Variants in RSRP1 observed in about 807,000 individuals in gnomAD.
RSRP1 encodes the protein arginine and serine rich protein 1.
In RSRP1, 37 loss-of-function variants were observed where a neutral mutation model predicts 33.0. The observed-to-expected ratio is 1.12, with a 90% confidence interval of 0.86 to 1.48. The LOEUF (loss-of-function observed/expected upper bound fraction) is 1.48, where lower values mean the gene tolerates loss of function less well. RSRP1 is among the 40% of genes most tolerant of loss of function. The pLI is 0.00. For missense variants in RSRP1, 402 were observed against 385.3 expected (o/e 1.04, Z -0.36); for synonymous variants, 167 against 158.7 (o/e 1.05, Z -0.40).
At chr1:25,329,191 G>C in intron 1 of RSRP1, 1 of 666,506 alleles carries the variant, frequency 1.5e-6, no homozygotes. Context: ...CTGCATATAT[G>C]ATGGTGGTCA....
intron 1 of RSRP1, among the ~76,000 whole-genome samples, chr1:25,256,249 G>A (rs1639945746): frequency 1.3e-5 from 2 of 151,670 alleles, no homozygotes; most frequent in South Asian, 2.1e-4. Flanking sequence ...CAACTTCCTG[G>A]GCTCAAACGA....
chr1:25,251,376 T>C (rs950696690), upstream of RSRP1, among the ~76,000 whole-genome samples: 1 of 152,114 alleles, frequency 6.6e-6, no homozygotes. Flanking sequence ...TTTCCTTTTT[T>C]TTTTCTTTTT....
At chr1:25,274,927 G>A (rs148860017) in intron 1 of RSRP1, among the ~76,000 whole-genome samples, 1,704 of 131,414 alleles carry the variant, frequency 0.013, 266 homozygotes, top group African/African-American at 0.04. Flanking sequence ...CAGCCTGGGC[G>A]CCAGAGTGAG....
chr1:25,249,228 C>T, upstream of RSRP1, among the ~76,000 whole-genome samples: 1 of 149,786 alleles, frequency 6.7e-6, no homozygotes, highest in East Asian at 1.9e-4. Context: ...CTAAAGTATA[C>T]TTACGATACA....
chr1:25,313,853 A>G (rs1644290059), intron 1 of RSRP1, among the ~76,000 whole-genome samples: 1 of 132,760 alleles, frequency 7.5e-6, no homozygotes, highest in South Asian at 2.3e-4. Flanking sequence ...AAATGAGATA[A>G]ACAACTTTGG....
chr1:25,335,820 G>T, intron 1 of RSRP1: 1 of 93,734 alleles, frequency 1.1e-5, no homozygotes, highest in African/African-American at 3.4e-5. Flanking sequence ...TTTTGAGACA[G>T]AGTCTCACCT....
At chr1:25,247,171 C>T (rs1228320196) in intron 1 of RSRP1, 138 bp downstream of exon 1, 2 of 519,362 alleles carry the variant, frequency 3.9e-6, no homozygotes, top group Admixed American at 3.7e-5. Context: ...CCCTAGAAAC[C>T]CCGCTCGGCG....
At chr1:25,296,238 CA>C (rs1172079103) in intron 1 of RSRP1, among the ~76,000 whole-genome samples, 1 of 123,868 alleles carries the variant, frequency 8.1e-6, no homozygotes, top group African/African-American at 2.8e-5. Flanking sequence ...CTTCAGTGTA[CA>C]TTTCTTTTTT....
At chr1:25,322,919 G>C (rs1319233697) in intron 1 of RSRP1, among the ~76,000 whole-genome samples, 1 of 116,744 alleles carries the variant, frequency 8.6e-6, no homozygotes, top group East Asian at 2.0e-4. Flanking sequence ...AAGTTAAAAA[G>C]ACAAATGGTT....
At chr1:25,259,427 T>C (rs1640057591) in intron 1 of RSRP1, among the ~76,000 whole-genome samples, 1 of 151,904 alleles carries the variant, frequency 6.6e-6, no homozygotes, top group Admixed American at 6.6e-5. Context: ...AGTGTGCTCA[T>C]AGAAACTGCT....
In RSRP1 at chr1:25,303,639, G is replaced by A. The variant is rs528213182; in HGVS notation, c.-67+34339C>T. 4.6e-5 allele frequency among the ~76,000 whole-genome samples: 6 copies of A among 131,578 alleles called. 1 individual carries two copies. Among genetic ancestry groups the A allele is most frequent in the East Asian group, 3.9e-4 (2 of 5,100 alleles). 86.3% of individuals were successfully genotyped at this position (131,578 alleles called of 152,430 possible). A position where few individuals can be genotyped will look rare whatever the true frequency, so the allele number is the denominator to read the frequency against. ...CGGTGGCGCATTTGTTAAGATGCTC[G>A]GGAGCAGGTGGCAGAACCCATTTGA... is the stretch of plus-strand genomic sequence containing the variant. On this transcript the variant is annotated intron_variant, in intron 1 of 1. Transcript: ENST00000561867.
chr1:25,292,686 G>A (rs1310462528), intron 1 of RSRP1, among the ~76,000 whole-genome samples: 1 of 128,708 alleles, frequency 7.8e-6, no homozygotes, highest in East Asian at 2.0e-4. Flanking sequence ...AAACATCCCA[G>A]TGGAGACACT....
At chr1:25,261,488 T>A (rs1640147979) in intron 1 of RSRP1, among the ~76,000 whole-genome samples, 1 of 151,024 alleles carries the variant, frequency 6.6e-6, no homozygotes, top group Non-Finnish European at 1.5e-5. Flanking sequence ...CACTGCAATC[T>A]CCGCCTCCCA....
chr1:25,279,479 T>C lies in RSRP1; in HGVS notation c.-66-32450A>G, dbSNP rs1487178005. ...TAGAAAGGCAGGATGGCATAATGGT[T>C]AAACCTAGGTAGGTAGGGTTTGAAT... is the stretch of plus-strand genomic sequence containing the variant. On this transcript the variant is annotated intron_variant, in intron 1 of 1. Coordinates refer to the RSRP1 transcript ENST00000561867. Among the ~76,000 whole-genome samples, 2 of 122,572 alleles carry C rather than the reference T, an allele frequency of 1.6e-5. 1 individual carries two copies. The highest frequency in any genetic ancestry group is 3.8e-5 in the Non-Finnish European group (2 of 52,464). 80.4% of individuals were successfully genotyped at this position (122,572 alleles called of 152,430 possible).
intron 1 of RSRP1, among the ~76,000 whole-genome samples, chr1:25,316,616 C>CAA (rs1644452904): frequency 2.3e-5 from 1 of 43,148 alleles, no homozygotes; most frequent in African/African-American, 7.7e-5. Context: ...CAAACAAAAA[C>CAA]AGAAAAAAAA....
chr1:25,308,048 A>T (rs1643945639), intron 1 of RSRP1, among the ~76,000 whole-genome samples: 1 of 102,358 alleles, frequency 9.8e-6, no homozygotes, highest in Admixed American at 9.7e-5. Context: ...AAAAAAAAAA[A>T]GCCAGTGAAG....
Position 25,242,649 on chromosome 1 carries a change from A to C in RSRP1, c.813T>G (p.Ser271=). 6.2e-7 allele frequency: 1 copy of C among 1,612,570 alleles called. No homozygotes were observed. Among genetic ancestry groups the C allele is most frequent in the Non-Finnish European group, 8.5e-7 (1 of 1,179,908 alleles). Residue 271 remains serine, a synonymous_variant, in exon 5 of 5, where the codon TCT becomes TCG. Transcript: ENST00000243189. The part of the protein sequence containing the change: ...KSAKAATEEA[S]SRSPKIDQKK... ...TCTGATCTATTTTTGGTGATCTTGAAGATGCCTCTTCTGTGGCAGCTTTAG... is the reference window on the plus strand; with the variant it reads ...TCTGATCTATTTTTGGTGATCTTGACGATGCCTCTTCTGTGGCAGCTTTAG...
chr1:25,248,407 G>A (rs1639644301), upstream of RSRP1: 2 of 150,164 alleles, frequency 1.3e-5, no homozygotes, highest in African/African-American at 4.9e-5. Flanking sequence ...GGAGTGTGGT[G>A]GGGCCATCAC....
chr1:25,309,739 C>T (rs1644040163), intron 1 of RSRP1, among the ~76,000 whole-genome samples: 1 of 131,476 alleles, frequency 7.6e-6, no homozygotes, highest in African/African-American at 2.6e-5. Flanking sequence ...TGGTTCACTT[C>T]CCTAACCTGA....
Sources: allele counts gnomAD v4.1 joint callset (sites outside exome capture counted in the v4.1 genomes callset), GRCh38; gene constraint gnomAD v4.1.1; transcripts MANE v1.5; gene names NCBI Gene and HGNC (gene_info 2026-07-23, HGNC 2026-07-21).